Variants in DLG2 observed in about 807,000 individuals in gnomAD.
The protein encoded by DLG2 is discs large MAGUK scaffold protein 2.
Under a neutral mutation model 132.5 loss-of-function variants are expected in DLG2, and 45 were observed. That is an observed-to-expected ratio of 0.34 (90% CI 0.27 to 0.44). The LOEUF (loss-of-function observed/expected upper bound fraction) is 0.44, where lower values mean the gene tolerates loss of function less well. Ranked by LOEUF, DLG2 falls within the 20% of genes least tolerant of loss-of-function variation. The pLI is 1.00. For synonymous variants in DLG2, 424 were observed against 419.6 expected (o/e 1.01, Z -0.13); for missense variants, 1,045 against 1,196.9 (o/e 0.87, Z 1.87).
At chr11:83,661,588 A>G (rs1276515682) in intron 18 of DLG2, among the ~76,000 whole-genome samples, 1 of 152,168 alleles carries the variant, frequency 6.6e-6, no homozygotes, top group East Asian at 1.9e-4. Flanking sequence ...AGCAACAGAA[A>G]GAAAGTACTT....
At chr11:83,774,030 G>A (rs1388460920) in intron 18 of DLG2, among the ~76,000 whole-genome samples, 1 of 152,126 alleles carries the variant, frequency 6.6e-6, no homozygotes, top group Non-Finnish European at 1.5e-5. Context: ...AACAAATAAA[G>A]ATTGCTCTGG....
At chr11:85,068,117 A>G (rs547791057) in intron 6 of DLG2, among the ~76,000 whole-genome samples, 124 of 152,124 alleles carry the variant, frequency 8.2e-4, no homozygotes, top group Non-Finnish European at 1.1e-3. Flanking sequence ...CATTCTAAAA[A>G]CTCTCAATCA....
At chr11:85,568,827 G>A (rs2077683105) in intron 3 of DLG2, among the ~76,000 whole-genome samples, 2 of 151,796 alleles carry the variant, frequency 1.3e-5, no homozygotes, top group Non-Finnish European at 2.9e-5. Flanking sequence ...CTAAAAGTTT[G>A]TCAATTTTGT....
At chr11:84,359,788 T>C (rs748965391) in intron 7 of DLG2, among the ~76,000 whole-genome samples, 1 of 151,892 alleles carries the variant, frequency 6.6e-6, no homozygotes, top group Non-Finnish European at 1.5e-5. Flanking sequence ...ACTAAGATAA[T>C]AGATCATCCT....
At chr11:84,522,131 G>A (rs947462233) in intron 7 of DLG2, among the ~76,000 whole-genome samples, 3 of 151,242 alleles carry the variant, frequency 2.0e-5, no homozygotes, top group Non-Finnish European at 4.4e-5. Flanking sequence ...TCATGCCACT[G>A]CACTCCAGCC....
intron 6 of DLG2, among the ~76,000 whole-genome samples, chr11:85,054,934 T>A (rs1328903012): frequency 1.3e-5 from 2 of 152,144 alleles, no homozygotes; most frequent in Non-Finnish European, 2.9e-5. Context: ...GGTGATGGAA[T>A]CATTCATACC....
At chr11:83,670,607 T>TAAA (rs951259217) in intron 18 of DLG2, among the ~76,000 whole-genome samples, 2 of 145,988 alleles carry the variant, frequency 1.4e-5, no homozygotes, top group East Asian at 3.9e-4. Flanking sequence ...GACATTTCTT[T>TAAA]AAAAAAAAAA....
chr11:83,887,105 GA>G (rs1406886439), intron 15 of DLG2, among the ~76,000 whole-genome samples: 9 of 152,146 alleles, frequency 5.9e-5, no homozygotes, highest in African/African-American at 2.2e-4. Context: ...GATCAGAGCA[GA>G]ACTGAAGGAA....
chr11:85,261,028 A>T (rs1456395899), intron 4 of DLG2, among the ~76,000 whole-genome samples: 1 of 152,176 alleles, frequency 6.6e-6, no homozygotes. Flanking sequence ...TCATGGGTGC[A>T]TCTGGCTGGG....
intron 6 of DLG2, chr11:84,640,240 C>T: frequency 3.2e-6 from 1 of 312,446 alleles, no homozygotes; most frequent in Non-Finnish European, 6.3e-6. Flanking sequence ...AGGGTGTTAA[C>T]AGTGGGCTTC....
chr11:85,427,340 T>C (rs1032043985), intron 3 of DLG2, among the ~76,000 whole-genome samples: 3 of 151,952 alleles, frequency 2.0e-5, no homozygotes, highest in Non-Finnish European at 4.4e-5. Context: ...TCACCAAAGT[T>C]GAAATGAAGG....
chr11:84,247,033 T>A lies in DLG2; in HGVS notation c.573+4205A>T, dbSNP rs549801974. Among the ~76,000 whole-genome samples the A allele has an allele frequency of 5.3e-5, 8 of 152,248 alleles. 1 individual carries two copies. Among genetic ancestry groups the A allele is most frequent in the Admixed American group, 4.6e-4 (7 of 15,264 alleles). On this transcript the variant is annotated intron_variant, in intron 8 of 27. Coordinates refer to ENST00000376104, the MANE Select transcript of DLG2 (RefSeq NM_001142699.3). ...TTGAACTCCAAGATATTTAACAAGA[T>A]GGAAAACTCATGATTCTCAAGTATA...
rs563704824 is a variant in DLG2, at chr11:85,516,626, T to A, written c.40+82031A>T. Reference sequence around the variant, plus strand: ...GAAACCACAGAAATACAATTGATAATCAGAAACTACTATGAACATCTCTAC... The same window carrying A: ...GAAACCACAGAAATACAATTGATAAACAGAAACTACTATGAACATCTCTAC... On this transcript the variant is annotated intron_variant, in intron 3 of 27. Coordinates refer to ENST00000376104, the MANE Select transcript of DLG2 (RefSeq NM_001142699.3). 1.6e-4 allele frequency among the ~76,000 whole-genome samples: 25 copies of A among 151,982 alleles called. No individual in the cohort carries two copies. In the South Asian group the frequency reaches 5.0e-3, roughly 30 times the overall value.
At chr11:84,580,900 T>A (rs1036238184) in intron 6 of DLG2, among the ~76,000 whole-genome samples, 2 of 152,178 alleles carry the variant, frequency 1.3e-5, no homozygotes. Flanking sequence ...CCTTTTACCA[T>A]CAGGTAGTCT....
At chr11:85,263,015 T>C (rs2077023176) in intron 4 of DLG2, among the ~76,000 whole-genome samples, 1 of 152,148 alleles carries the variant, frequency 6.6e-6, no homozygotes, top group Non-Finnish European at 1.5e-5. Flanking sequence ...CCAAAAAGAA[T>C]GTCTGCTGGG....
intron 12 of DLG2, among the ~76,000 whole-genome samples, chr11:83,969,714 C>T (rs1592065570): frequency 6.6e-6 from 1 of 152,114 alleles, no homozygotes; most frequent in South Asian, 2.1e-4. Flanking sequence ...GCTGGGATTA[C>T]AGGCATATGC....
At chr11:84,293,308 T>G (rs1430104152) in intron 7 of DLG2, among the ~76,000 whole-genome samples, 1 of 152,084 alleles carries the variant, frequency 6.6e-6, no homozygotes, top group Non-Finnish European at 1.5e-5. Flanking sequence ...ATTTTTTATC[T>G]CAACTTTTTT....
At chr11:85,204,080 A>T (rs1192145285) in intron 4 of DLG2, among the ~76,000 whole-genome samples, 1 of 152,174 alleles carries the variant, frequency 6.6e-6, no homozygotes, top group African/African-American at 2.4e-5. Context: ...AGCTAACAAC[A>T]TACTGAATGG....
intron 6 of DLG2, among the ~76,000 whole-genome samples, chr11:84,934,504 G>GTTTTTTTTTTTTTTTTTTTTTTT (rs113436905): frequency 8.9e-5 from 3 of 33,870 alleles, no homozygotes; most frequent in African/African-American, 1.7e-4. Context: ...GGTCCTGGGT[G>GTTTTTTTTTTTTTTTTTTTTTTT]TTTTTTTTTT....
Sources: gnomAD v4.1 joint callset for allele counts (sites outside exome capture counted in the v4.1 genomes callset) on GRCh38, gnomAD v4.1.1 for gene constraint, MANE v1.5 for transcripts, NCBI Gene and HGNC (gene_info 2026-07-23, HGNC 2026-07-21) for gene names.